The following MALRD1 variants were observed in gnomAD, a reference collection of about 807,000 sequenced individuals.
MALRD1 encodes the protein MAM and LDL receptor class A domain containing 1, also known as MAM and LDL-receptor class A domain-containing protein 1.
MALRD1 carries 247 observed loss-of-function variants against 242.1 expected under a neutral mutation model. The observed-to-expected ratio is 1.02, with a 90% CI of 0.92 to 1.13. The LOEUF is 1.13. Ranked by LOEUF, MALRD1 falls within the 50% of genes most tolerant of loss-of-function variation. The probability of loss-of-function intolerance (pLI) is 0.00; values close to 1 mark genes in which losing one functional copy is unlikely to be tolerated. For missense variants in MALRD1, 2,989 were observed against 2,533.1 expected (o/e 1.18, Z -3.86); for synonymous variants, 995 against 866.6 (o/e 1.15, Z -2.60).
chr10:19,478,176 C>A (rs1360546413), intron 29 of MALRD1, among the ~76,000 whole-genome samples: 1 of 152,236 alleles, frequency 6.6e-6, no homozygotes, highest in African/African-American at 2.4e-5. Context: ...CAATTAAACA[C>A]ATATCCTTAC....
intron 18 of MALRD1, among the ~76,000 whole-genome samples, chr10:19,243,210 CG>C (rs201995400): frequency 0.014 from 2,155 of 150,904 alleles, 46 homozygotes; most frequent in African/African-American, 0.05. Context: ...ACTTCTCCCC[CG>C]CCACACACAC....
At chr10:19,134,311 A>G (rs1417391625) in intron 9 of MALRD1, among the ~76,000 whole-genome samples, 3 of 152,246 alleles carry the variant, frequency 2.0e-5, no homozygotes, top group Non-Finnish European at 1.5e-5. Flanking sequence ...TTTGAATGCA[A>G]TAATTCATAT....
At chr10:19,267,400 G>T (rs1840014924) in intron 19 of MALRD1, among the ~76,000 whole-genome samples, 1 of 151,978 alleles carries the variant, frequency 6.6e-6, no homozygotes, top group East Asian at 1.9e-4. Flanking sequence ...TAATTTTTAT[G>T]ATGTCCTCCC....
intron 14 of MALRD1, among the ~76,000 whole-genome samples, chr10:19,181,907 A>G (rs1835522527): frequency 6.6e-6 from 1 of 152,176 alleles, no homozygotes; most frequent in Non-Finnish European, 1.5e-5. Flanking sequence ...TAAGAAATGT[A>G]TCGATTTAAT....
At chr10:19,588,173 A>G (rs1015627295) in intron 33 of MALRD1, among the ~76,000 whole-genome samples, 1 of 152,074 alleles carries the variant, frequency 6.6e-6, no homozygotes, top group Admixed American at 6.6e-5. Flanking sequence ...GACCTTTCCA[A>G]TTTCTATATT....
At chr10:19,139,435 CT>C (rs1027844185) in intron 10 of MALRD1, among the ~76,000 whole-genome samples, 5 of 152,068 alleles carry the variant, frequency 3.3e-5, no homozygotes, top group East Asian at 1.9e-4. Context: ...ACCTTTATAT[CT>C]TTTTTTTCTT....
chr10:19,517,034 CGAGGGGTTTTAGTT>C (rs1833667706), intron 31 of MALRD1, among the ~76,000 whole-genome samples: 1 of 152,058 alleles, frequency 6.6e-6, no homozygotes. Context: ...GGGTTTGAGA[CGAGGGGTTTTAGTT>C]GACCGAGTAA....
At chr10:19,601,665 G>T (rs991158600) in intron 34 of MALRD1, among the ~76,000 whole-genome samples, 1 of 151,810 alleles carries the variant, frequency 6.6e-6, no homozygotes, top group Non-Finnish European at 1.5e-5. Flanking sequence ...AACTGTATTT[G>T]TGCCAAAGTT....
intron 28 of MALRD1, among the ~76,000 whole-genome samples, chr10:19,405,492 A>G (rs1450788416): frequency 6.6e-6 from 1 of 152,164 alleles, no homozygotes; most frequent in African/African-American, 2.4e-5. Context: ...CATCTGCTAT[A>G]ATCAACATAC....
At chr10:19,098,633 A>G (rs370599031) in intron 4 of MALRD1, among the ~76,000 whole-genome samples, 44 of 152,334 alleles carry the variant, frequency 2.9e-4, no homozygotes, top group African/African-American at 1.0e-3. Context: ...AAACTCTTAC[A>G]TAATACATAT....
In MALRD1 at chr10:19,415,016, C is replaced by A. The variant is rs113117902; in HGVS notation, c.4845+25407C>A. ...TTTTTTTCTGTAGAAATAATATTGT[C>A]AACCACGGTTTGTTTCACCTATTAG... On this transcript the variant is annotated intron_variant, in intron 28 of 39. Transcript: ENST00000454679. 3.0e-3 allele frequency among the ~76,000 whole-genome samples: 459 copies of A among 152,192 alleles called. 2 individuals carry two copies. The highest frequency in any genetic ancestry group is 9.8e-3 in the African/African-American group (408 of 41,548).
In MALRD1 at chr10:19,048,818, C is replaced by A; in HGVS notation, c.-121C>A. The A allele has an allele frequency of 1.5e-6, 1 of 688,916 alleles. No homozygotes were observed. Among genetic ancestry groups the A allele is most frequent in the Non-Finnish European group, 2.0e-6 (1 of 492,308 alleles). The allele number at this position is 688,916 out of a possible 1,614,324, so 42.7% of individuals were successfully genotyped here. A position where few individuals can be genotyped will look rare whatever the true frequency, so the allele number is the denominator to read the frequency against. On this transcript the variant is annotated 5_prime_UTR_variant, in exon 1 of 40. Coordinates refer to ENST00000454679, the MANE Select transcript of MALRD1 (RefSeq NM_001142308.3). ...AATTTGTTAGAGTTGCAGATAGTTA[C>A]CAATAGTATCCAGTTATAAGAAGCA... is the stretch of plus-strand genomic sequence containing the variant.
rs1011890675 is a variant in MALRD1 at position 19,454,431 on chromosome 10, T to TATATATATATAA, written c.5029+3942_5029+3943insTATATATATAAA. On this transcript the variant is annotated intron_variant, in intron 29 of 39. Coordinates refer to ENST00000454679, the MANE Select transcript of MALRD1 (RefSeq NM_001142308.3). ...ATATATATATATATATATATATATA[T>TATATATATATAA]AATTATATGATACATACATATAAAT... 1.1e-3 allele frequency among the ~76,000 whole-genome samples: 148 copies of TATATATATATAA among 136,630 alleles called. 4 individuals carry two copies. Among genetic ancestry groups the TATATATATATAA allele is most frequent in the African/African-American group, 3.4e-3 (125 of 37,180 alleles). The allele number at this position is 136,630 out of a possible 152,430, so 89.6% of individuals were successfully genotyped here. A position where few individuals can be genotyped will look rare whatever the true frequency, so the allele number is the denominator to read the frequency against.
chr10:19,578,880 C>T (rs1026306953), intron 33 of MALRD1, among the ~76,000 whole-genome samples: 1 of 152,040 alleles, frequency 6.6e-6, no homozygotes, highest in African/African-American at 2.4e-5. Context: ...CTTACATCTT[C>T]GTACTTGAGC....
intron 2 of MALRD1, among the ~76,000 whole-genome samples, chr10:19,067,384 C>T (rs911461929): frequency 1.3e-5 from 2 of 152,020 alleles, no homozygotes; most frequent in African/African-American, 2.4e-5. Flanking sequence ...ACATTGCGTA[C>T]CGGGTGTTTA....
intron 24 of MALRD1, among the ~76,000 whole-genome samples, chr10:19,339,740 T>A (rs979142944): frequency 6.6e-6 from 1 of 152,226 alleles, no homozygotes; most frequent in Non-Finnish European, 1.5e-5. Context: ...TGTGATGTGT[T>A]TTCTTAATTT....
intron 29 of MALRD1, among the ~76,000 whole-genome samples, chr10:19,475,273 G>C (rs1836678953): frequency 6.6e-6 from 1 of 152,130 alleles, no homozygotes; most frequent in Non-Finnish European, 1.5e-5. Flanking sequence ...AAATTAGCCA[G>C]GCGTGGTGGT....
chr10:19,410,897 T>C (rs1372826239), intron 28 of MALRD1, among the ~76,000 whole-genome samples: 3 of 152,190 alleles, frequency 2.0e-5, no homozygotes, highest in African/African-American at 7.2e-5. Flanking sequence ...TTGACATAAA[T>C]GTTGCCTAGT....
chr10:19,593,769 G>A (rs1482962038), intron 33 of MALRD1, among the ~76,000 whole-genome samples: 3 of 152,152 alleles, frequency 2.0e-5, no homozygotes, highest in Non-Finnish European at 2.9e-5. Flanking sequence ...CTGCAGAAAC[G>A]TTTCATGTAA....
Sources: gnomAD v4.1 joint callset for allele counts (sites outside exome capture counted in the v4.1 genomes callset) on GRCh38, gnomAD v4.1.1 for gene constraint, MANE v1.5 for transcripts, NCBI Gene and HGNC (gene_info 2026-07-23, HGNC 2026-07-21) for gene names.